ROPN1: variants seen among roughly 807,000 people sequenced by gnomAD.
The protein encoded by ROPN1 is ropporin-1A.
Under a neutral mutation model 20.5 loss-of-function variants are expected in ROPN1, and 14 were observed. The ratio of observed to expected loss-of-function variants is 0.68; its 90% CI spans 0.45 to 1.07. The LOEUF is 1.07. Ranked by LOEUF, ROPN1 falls within the 50% of genes least tolerant of loss-of-function variation. ROPN1 has a pLI of 0.00. For synonymous variants in ROPN1, 76 were observed against 95.7 expected (o/e 0.79, Z 1.20); for missense variants, 169 against 242.8 (o/e 0.70, Z 2.02).
intron 4 of ROPN1, among the ~76,000 whole-genome samples, chr3:123,973,803 T>C (rs6438821): frequency 1.3e-5 from 2 of 152,100 alleles, no homozygotes; most frequent in African/African-American, 4.8e-5. Flanking sequence ...ATGAGCCAGT[T>C]GGGGAGGCAT....
At chr3:123,971,921 T>C (rs1392984162) in intron 4 of ROPN1, among the ~76,000 whole-genome samples, 1 of 152,134 alleles carries the variant, frequency 6.6e-6, no homozygotes. Context: ...AAAGATAAGT[T>C]AAAATGAAGT....
At chr3:123,969,983 G>A (rs1375123818) in intron 5 of ROPN1, 59 bp downstream of exon 5, 1 of 1,541,352 alleles carries the variant, frequency 6.5e-7, no homozygotes, top group Non-Finnish European at 8.9e-7. Flanking sequence ...CACTATCTTG[G>A]CCAGCTAGAT....
intron 4 of ROPN1, among the ~76,000 whole-genome samples, chr3:123,974,204 AC>A (rs547092185): frequency 8.3e-4 from 126 of 152,254 alleles, no homozygotes; most frequent in African/African-American, 2.7e-3. Context: ...TCCCCCAAAA[AC>A]GTCTCCAAAT....
Position 123,969,222 on chromosome 3 carries a change from C to A in ROPN1, c.573-1G>T, listed in dbSNP as rs2037864158. ...TGTGATTATACCATCAGGGCCAATT[C>A]TGTTTGGAAAAAGGTATATCTGCAG... On this transcript the variant is annotated splice_acceptor_variant, in intron 5 of 5. Transcript: ENST00000405845. LOFTEE classifies it high-confidence loss of function. The A allele has an allele frequency of 1.9e-6, 3 of 1,612,560 alleles. No individual in the cohort carries two copies. Among genetic ancestry groups the A allele is most frequent in the Non-Finnish European group, 2.5e-6 (3 of 1,178,670 alleles).
intron 1 of ROPN1, among the ~76,000 whole-genome samples, chr3:123,984,470 T>C (rs1222786209): frequency 2.0e-5 from 3 of 152,162 alleles, no homozygotes; most frequent in Admixed American, 1.3e-4. Flanking sequence ...TCCCTTTCTA[T>C]TTCTACTCCT....
At chr3:123,983,449 G>A (rs981353572) in intron 1 of ROPN1, among the ~76,000 whole-genome samples, 1 of 152,202 alleles carries the variant, frequency 6.6e-6, no homozygotes, top group African/African-American at 2.4e-5. Flanking sequence ...AGATAATCTC[G>A]TGTAAACGAA....
intron 2 of ROPN1, chr3:123,979,727 C>T: frequency 2.6e-6 from 1 of 390,138 alleles, no homozygotes; most frequent in South Asian, 1.9e-5. Context: ...CCCCAGAATG[C>T]AGTGTGTACT....
chr3:123,969,937 C>A (rs1430557010), intron 5 of ROPN1, 105 bp downstream of exon 5: 1 of 1,110,148 alleles, frequency 9.0e-7, no homozygotes, highest in Non-Finnish European at 1.3e-6. Flanking sequence ...TCTCACAATA[C>A]TTTTCTGTTT....
rs762930834 is a variant in ROPN1, at chr3:123,980,457, A to G, written c.25T>C (p.Cys9Arg). 9.3e-6 allele frequency: 15 copies of G among 1,614,042 alleles called. No homozygotes were observed. Among genetic ancestry groups the G allele is most frequent in the Non-Finnish European group, 1.3e-5 (15 of 1,180,030 alleles). Residue 9 changes from cysteine (C) to arginine (R), a missense_variant, in exon 2 of 6, where the codon TGC becomes CGC. Coordinates refer to ENST00000405845, the MANE Select transcript of ROPN1 (RefSeq NM_001317774.2). ...ATCTTCGGCAGCTCCGGCGGGATGC[A>G]TGTTGGCTTATCTGTCTGAGCCATT... MAQTDKPT[C>R]IPPELPKMLK...
chr3:123,980,684 T>TA (rs2038124711), intron 1 of ROPN1, 191 bp from the exon 2 acceptor site: 2 of 525,122 alleles, frequency 3.8e-6, no homozygotes, highest in Non-Finnish European at 6.7e-6. Flanking sequence ...TTGTTGGAAA[T>TA]AGTTATGTCC....
chr3:123,976,569 A>G (rs982189431), intron 3 of ROPN1, among the ~76,000 whole-genome samples: 5 of 152,210 alleles, frequency 3.3e-5, no homozygotes, highest in African/African-American at 1.2e-4. Context: ...CTGTCCAGTG[A>G]CTGAGGACTT....
intron 2 of ROPN1, chr3:123,980,141 T>C: frequency 1.7e-6 from 1 of 585,792 alleles, no homozygotes; most frequent in Non-Finnish European, 3.0e-6. Context: ...CCTGGCGTCC[T>C]ACTGCTCAAT....
chr3:123,978,415 C>G (rs979738915), intron 2 of ROPN1, among the ~76,000 whole-genome samples: 38 of 152,280 alleles, frequency 2.5e-4, no homozygotes, highest in South Asian at 4.2e-4. Flanking sequence ...ACACTCATCA[C>G]CAACATCTCT....
chr3:123,971,393 C>A (rs1328733350), intron 4 of ROPN1, among the ~76,000 whole-genome samples: 2 of 152,158 alleles, frequency 1.3e-5, no homozygotes, highest in Non-Finnish European at 2.9e-5. Flanking sequence ...GTTAATATTT[C>A]AAATTTGATT....
intron 3 of ROPN1, among the ~76,000 whole-genome samples, chr3:123,976,196 T>A (rs2038018834): frequency 6.6e-6 from 1 of 152,162 alleles, no homozygotes; most frequent in South Asian, 2.1e-4. Flanking sequence ...CCCGATGAAG[T>A]GCTCCAACAC....
chr3:123,971,491 T>C (rs1397088575), intron 4 of ROPN1, among the ~76,000 whole-genome samples: 3 of 152,176 alleles, frequency 2.0e-5, no homozygotes, highest in Non-Finnish European at 4.4e-5. Flanking sequence ...CAGGCCACCT[T>C]CCTTTCCTCT....
chr3:123,969,285 G>T, intron 5 of ROPN1, 64 bp from the exon 6 acceptor site: 1 of 1,246,576 alleles, frequency 8.0e-7, no homozygotes, highest in South Asian at 1.2e-5. Context: ...AAGACAATAT[G>T]CAAACAACTC....
chr3:123,976,720 T>C, intron 3 of ROPN1, 144 bp downstream of exon 3: 2 of 720,834 alleles, frequency 2.8e-6, no homozygotes, highest in South Asian at 5.4e-5. Context: ...AGGAAAGATT[T>C]ACTTTCAGTC....
In ROPN1 at chr3:123,976,995, A is replaced by C. The variant is rs576624366; in HGVS notation, c.117-14T>G. The C allele has an allele frequency of 6.2e-7, 1 of 1,605,934 alleles. No individual in the cohort carries two copies. Among genetic ancestry groups the C allele is most frequent in the Non-Finnish European group, 8.5e-7 (1 of 1,175,998 alleles). On this transcript the variant is annotated splice_polypyrimidine_tract_variant and intron_variant, in intron 2 of 5. Transcript: ENST00000405845. ...GCCTCAAAATAACTACAAGAAAAAA[A>C]GTCAGAGAGTAGGAGGATCCTATAC... is the stretch of plus-strand genomic sequence containing the variant.
Sources: allele counts gnomAD v4.1 joint callset (sites outside exome capture counted in the v4.1 genomes callset), GRCh38; gene constraint gnomAD v4.1.1; transcripts MANE v1.5; gene names NCBI Gene and HGNC (gene_info 2026-07-23, HGNC 2026-07-21).